DTNB: variants seen among roughly 807,000 people sequenced by gnomAD.
The protein encoded by DTNB is dystrobrevin beta, also known as DTN-B.
Under a neutral mutation model 90.7 loss-of-function variants are expected in DTNB, and 63 were observed. The observed-to-expected ratio is 0.69, with a 90% CI of 0.57 to 0.86. DTNB has a LOEUF of 0.86. DTNB is among the 40% of genes least tolerant of loss of function. The pLI, the probability that DTNB is intolerant of heterozygous loss-of-function variation, is 0.00. For missense variants in DTNB, 744 were observed against 807.1 expected (o/e 0.92, Z 0.95); for synonymous variants, 277 against 286.7 (o/e 0.97, Z 0.34).
At chr2:25,405,129 T>C (rs1193101746) in intron 16 of DTNB, among the ~76,000 whole-genome samples, 1 of 152,086 alleles carries the variant, frequency 6.6e-6, no homozygotes, top group Non-Finnish European at 1.5e-5. Context: ...AATTTTGCCA[T>C]GTTGCCCAGG....
Position 25,542,732 on chromosome 2 carries a change from TG to T in DTNB, c.877-11136del, listed in dbSNP as rs2081549043. On this transcript the variant is annotated intron_variant, in intron 8 of 20. Coordinates refer to ENST00000406818, the MANE Select transcript of DTNB (RefSeq NM_021907.5). ...ATTATTTGGGTGTTCTATTCCATCTTGAATCGGTTTTGGTAAGCAACGCTGT... is the reference window on the plus strand; with the variant it reads ...ATTATTTGGGTGTTCTATTCCATCTTAATCGGTTTTGGTAAGCAACGCTGT... 2.0e-5 allele frequency among the ~76,000 whole-genome samples: 3 copies of T among 152,350 alleles called. No individual in the cohort carries two copies. The East Asian group carries it at 5.8e-4, about 29-fold the overall frequency.
At chr2:25,656,802 G>A (rs1275112282) in intron 1 of DTNB, among the ~76,000 whole-genome samples, 1 of 152,166 alleles carries the variant, frequency 6.6e-6, no homozygotes, top group Non-Finnish European at 1.5e-5. Flanking sequence ...CCAATTTAAA[G>A]AACCAGAACA....
chr2:25,594,660 T>G (rs1010998499), intron 6 of DTNB, among the ~76,000 whole-genome samples: 1 of 152,230 alleles, frequency 6.6e-6, no homozygotes, highest in Non-Finnish European at 1.5e-5. Context: ...GTTCCTTTTA[T>G]AGTTTACCTT....
chr2:25,493,206 T>C (rs980908275), intron 9 of DTNB, among the ~76,000 whole-genome samples: 81 of 152,256 alleles, frequency 5.3e-4, no homozygotes, highest in African/African-American at 2.0e-3. Context: ...TATGCCCTAA[T>C]GCTTTCATTT....
chr2:25,571,814 G>T (rs1184946549), intron 8 of DTNB, among the ~76,000 whole-genome samples: 1 of 151,960 alleles, frequency 6.6e-6, no homozygotes, highest in Non-Finnish European at 1.5e-5. Context: ...CGGCAGTGGG[G>T]GGTAAAGACA....
intron 9 of DTNB, among the ~76,000 whole-genome samples, chr2:25,530,788 G>A (rs750896129): frequency 2.0e-5 from 3 of 152,162 alleles, no homozygotes; most frequent in Non-Finnish European, 2.9e-5. Context: ...ATAAAGATTC[G>A]TGATCCAAAA....
At chr2:25,627,250 TA>T (rs1341142655) in intron 4 of DTNB, among the ~76,000 whole-genome samples, 2 of 152,140 alleles carry the variant, frequency 1.3e-5, no homozygotes, top group Non-Finnish European at 2.9e-5. Context: ...CTGTCTCTAC[TA>T]AAAATACAAA....
intron 16 of DTNB, among the ~76,000 whole-genome samples, chr2:25,416,997 A>G (rs1460874771): frequency 6.6e-6 from 1 of 152,222 alleles, no homozygotes; most frequent in East Asian, 1.9e-4. Flanking sequence ...TGAATTACGT[A>G]AAGTCATTCA....
intron 10 of DTNB, among the ~76,000 whole-genome samples, chr2:25,477,928 C>T (rs1328441067): frequency 2.6e-5 from 4 of 151,306 alleles, no homozygotes; most frequent in Non-Finnish European, 5.9e-5. Context: ...CTGTTAAGTT[C>T]GTTACCACTC....
chr2:25,451,353 G>T (rs1432966071), intron 12 of DTNB, among the ~76,000 whole-genome samples, 195 bp downstream of exon 12: 1 of 152,174 alleles, frequency 6.6e-6, no homozygotes, highest in Non-Finnish European at 1.5e-5. Flanking sequence ...CTGTAGGTGT[G>T]ATCTTAACTG....
intron 20 of DTNB, among the ~76,000 whole-genome samples, chr2:25,378,408 C>G (rs1048071746): frequency 1.3e-5 from 2 of 152,304 alleles, no homozygotes; most frequent in East Asian, 1.9e-4. Flanking sequence ...CCCGGGGGAG[C>G]GGGCAGAGGC....
chr2:25,616,798 G>A (rs991851825), intron 4 of DTNB, among the ~76,000 whole-genome samples: 1 of 151,428 alleles, frequency 6.6e-6, no homozygotes, highest in African/African-American at 2.4e-5. Context: ...CGGGCGTGGT[G>A]GCAGGGGCCT....
intron 9 of DTNB, among the ~76,000 whole-genome samples, chr2:25,491,140 CACACACACACACACACAG>C (rs2067316186): frequency 1.8e-5 from 1 of 54,926 alleles, no homozygotes; most frequent in Admixed American, 2.7e-4. Context: ...TATATGAGCA[CACACACACACACACACAG>C]ACACACACAC....
intron 8 of DTNB, among the ~76,000 whole-genome samples, chr2:25,533,948 A>G (rs1036928003): frequency 6.7e-6 from 1 of 148,186 alleles, no homozygotes; most frequent in South Asian, 2.1e-4. Context: ...ATTTTTATTT[A>G]TTTATTTATT....
chr2:25,542,753 C>T (rs774258232), intron 8 of DTNB, among the ~76,000 whole-genome samples: 38 of 152,038 alleles, frequency 2.5e-4, no homozygotes, highest in African/African-American at 7.0e-4. Flanking sequence ...TGGTAAGCAA[C>T]GCTGTTTTAG....
chr2:25,413,388 TG>T (rs990451376), intron 16 of DTNB, among the ~76,000 whole-genome samples: 11 of 151,450 alleles, frequency 7.3e-5, no homozygotes, highest in African/African-American at 2.7e-4. Flanking sequence ...TTACATTAGG[TG>T]TATCTCCTAA....
intron 9 of DTNB, among the ~76,000 whole-genome samples, chr2:25,528,226 G>C (rs1034037902): frequency 2.0e-5 from 3 of 152,046 alleles, no homozygotes; most frequent in Non-Finnish European, 4.4e-5. Flanking sequence ...CAAAAAGAAA[G>C]CATTTTTATT....
At chr2:25,657,557 A>G (rs1477917073) in intron 1 of DTNB, among the ~76,000 whole-genome samples, 1 of 152,132 alleles carries the variant, frequency 6.6e-6, no homozygotes, top group African/African-American at 2.4e-5. Context: ...CATCTCTACA[A>G]GAAAAATACA....
At chr2:25,557,744 T>C (rs1231697637) in intron 8 of DTNB, among the ~76,000 whole-genome samples, 1 of 152,184 alleles carries the variant, frequency 6.6e-6, no homozygotes, top group Non-Finnish European at 1.5e-5. Context: ...TAGAAGTTCT[T>C]ACTAACACAA....
Sources: allele counts gnomAD v4.1 joint callset (sites outside exome capture counted in the v4.1 genomes callset), GRCh38; gene constraint gnomAD v4.1.1; transcripts MANE v1.5; gene names NCBI Gene and HGNC (gene_info 2026-07-23, HGNC 2026-07-21).